The following GALNTL6 variants were observed in gnomAD, a reference collection of about 807,000 sequenced individuals.
The protein encoded by GALNTL6 is polypeptide N-acetylgalactosaminyltransferase like 6.
Under a neutral mutation model 73.7 loss-of-function variants are expected in GALNTL6, and 46 were observed. The ratio of observed to expected loss-of-function variants is 0.62; its 90% confidence interval spans 0.49 to 0.80. The LOEUF (loss-of-function observed/expected upper bound fraction) is 0.80. Among genes scored for constraint, GALNTL6 ranks in the 30% least tolerant of loss-of-function variants. GALNTL6 has a pLI of 0.00. For missense variants in GALNTL6, 604 were observed against 755.0 expected (o/e 0.80, Z 2.34); for synonymous variants, 259 against 263.7 (o/e 0.98, Z 0.17).
chr4:172,247,502 C>A (rs368097533), intron 3 of GALNTL6, among the ~76,000 whole-genome samples: 1 of 152,184 alleles, frequency 6.6e-6, no homozygotes, highest in Non-Finnish European at 1.5e-5. Context: ...CAGTCATTCT[C>A]TTAAAAGAAC....
At chr4:172,083,704 T>C (rs1731947885) in intron 2 of GALNTL6, among the ~76,000 whole-genome samples, 1 of 152,178 alleles carries the variant, frequency 6.6e-6, no homozygotes, top group Admixed American at 6.6e-5. Flanking sequence ...TTTCATCCTC[T>C]ATGCCACATA....
chr4:172,825,013 A>G (rs907971624), intron 7 of GALNTL6, among the ~76,000 whole-genome samples: 6 of 151,872 alleles, frequency 4.0e-5, no homozygotes, highest in Admixed American at 1.3e-4. Context: ...CAAAATAATC[A>G]AGAAATGACT....
intron 2 of GALNTL6, among the ~76,000 whole-genome samples, chr4:171,818,921 T>C (rs1443246595): frequency 6.6e-6 from 1 of 152,122 alleles, no homozygotes; most frequent in Non-Finnish European, 1.5e-5. Flanking sequence ...TTCCAGTGGC[T>C]TTTAAAACTT....
chr4:172,456,338 G>A (rs1370638740), intron 5 of GALNTL6, among the ~76,000 whole-genome samples: 1 of 151,938 alleles, frequency 6.6e-6, no homozygotes, highest in Non-Finnish European at 1.5e-5. Context: ...AACAAAACTG[G>A]ACAGAGAATG....
At chr4:172,731,731 T>A (rs1736160331) in intron 5 of GALNTL6, among the ~76,000 whole-genome samples, 1 of 152,158 alleles carries the variant, frequency 6.6e-6, no homozygotes, top group Non-Finnish European at 1.5e-5. Context: ...TCCATAGAGT[T>A]TGGCATTTTG....
intron 4 of GALNTL6, among the ~76,000 whole-genome samples, chr4:172,326,056 C>G (rs1740930092): frequency 6.6e-6 from 1 of 151,752 alleles, no homozygotes; most frequent in Admixed American, 6.6e-5. Context: ...GATAACAGAA[C>G]AATCTCCAAA....
At chr4:172,856,218 T>C (rs1466599735) in intron 7 of GALNTL6, among the ~76,000 whole-genome samples, 1 of 152,192 alleles carries the variant, frequency 6.6e-6, no homozygotes, top group Non-Finnish European at 1.5e-5. Flanking sequence ...ATTCCTGACA[T>C]TATCTTTATG....
rs556302502 is a variant in GALNTL6 at position 172,866,362 on chromosome 4, C to G, written c.924-16428C>G. ...GCATAGGCTAGGCTTTGGTGTCACACTCTCTTGATTCAAATCCACACAACA... is the reference window on the plus strand; with the variant it reads ...GCATAGGCTAGGCTTTGGTGTCACAGTCTCTTGATTCAAATCCACACAACA... On this transcript the variant is annotated intron_variant, in intron 7 of 12. Coordinates refer to ENST00000506823, the MANE Select transcript of GALNTL6 (RefSeq NM_001034845.3). 2.0e-5 allele frequency among the ~76,000 whole-genome samples: 3 copies of G among 152,288 alleles called. No individual in the cohort carries two copies. The East Asian group carries it at 5.8e-4, about 29-fold the overall frequency.
chr4:172,181,386 C>G (rs978215951), intron 2 of GALNTL6, among the ~76,000 whole-genome samples: 33 of 152,244 alleles, frequency 2.2e-4, no homozygotes, highest in African/African-American at 7.7e-4. Context: ...ATCTCAGATG[C>G]AGAAAATGCC....
chr4:172,292,453 AC>A (rs1739509406), intron 3 of GALNTL6, among the ~76,000 whole-genome samples: 1 of 152,154 alleles, frequency 6.6e-6, no homozygotes, highest in Non-Finnish European at 1.5e-5. Flanking sequence ...TCATACTGAT[AC>A]AATCCATAAT....
chr4:172,487,744 A>C (rs918030791), intron 5 of GALNTL6, among the ~76,000 whole-genome samples: 1 of 152,094 alleles, frequency 6.6e-6, no homozygotes, highest in Non-Finnish European at 1.5e-5. Flanking sequence ...TCCTCAATGC[A>C]TAAAGAATAA....
chr4:172,890,209 T>C (rs1745956234), intron 8 of GALNTL6, among the ~76,000 whole-genome samples: 1 of 152,150 alleles, frequency 6.6e-6, no homozygotes, highest in East Asian at 1.9e-4. Context: ...AACAACTTTT[T>C]ATTTTGTTGA....
intron 2 of GALNTL6, among the ~76,000 whole-genome samples, chr4:172,007,491 T>C (rs1214548667): frequency 1.3e-5 from 2 of 152,052 alleles, no homozygotes; most frequent in Admixed American, 6.6e-5. Flanking sequence ...CTTCAATATA[T>C]GAAATCAAGT....
intron 5 of GALNTL6, among the ~76,000 whole-genome samples, chr4:172,803,807 G>C (rs1036957388): frequency 3.3e-5 from 5 of 151,932 alleles, no homozygotes; most frequent in African/African-American, 4.8e-5. Flanking sequence ...ATACAAATAA[G>C]ACATCCAGAG....
chr4:172,733,601 G>C (rs932024580), intron 5 of GALNTL6, among the ~76,000 whole-genome samples: 1 of 152,124 alleles, frequency 6.6e-6, no homozygotes, highest in African/African-American at 2.4e-5. Context: ...TTCCCATGCT[G>C]TTCTCATGAT....
chr4:171,864,963 A>C (rs187684399), intron 2 of GALNTL6, among the ~76,000 whole-genome samples: 2 of 152,206 alleles, frequency 1.3e-5, no homozygotes, highest in African/African-American at 4.8e-5. Context: ...CCTGACCAGC[A>C]TGAAGTAACC....
intron 7 of GALNTL6, among the ~76,000 whole-genome samples, chr4:172,865,183 G>A (rs1744598680): frequency 6.6e-6 from 1 of 152,222 alleles, no homozygotes; most frequent in East Asian, 1.9e-4. Context: ...CAAAACTGCT[G>A]TCATAGAGAA....
chr4:172,525,733 C>T (rs770904742), intron 5 of GALNTL6, among the ~76,000 whole-genome samples: 7 of 152,148 alleles, frequency 4.6e-5, no homozygotes, highest in South Asian at 2.1e-4. Context: ...TGTGCTGGCA[C>T]GCACCTGTGG....
At chr4:171,953,696 C>T (rs1034856788) in intron 2 of GALNTL6, among the ~76,000 whole-genome samples, 1 of 151,888 alleles carries the variant, frequency 6.6e-6, no homozygotes, top group African/African-American at 2.4e-5. Flanking sequence ...TATGAAAAAG[C>T]AACATACATG....
Sources: gnomAD v4.1 joint callset for allele counts (sites outside exome capture counted in the v4.1 genomes callset) on GRCh38, gnomAD v4.1.1 for gene constraint, MANE v1.5 for transcripts, NCBI Gene and HGNC (gene_info 2026-07-23, HGNC 2026-07-21) for gene names.